CRYBG3: variants seen among roughly 807,000 people sequenced by gnomAD.
CRYBG3 encodes very large A-kinase anchor protein.
Under a neutral mutation model 244.2 loss-of-function variants are expected in CRYBG3, and 127 were observed. The ratio of observed to expected loss-of-function variants is 0.52; its 90% CI spans 0.45 to 0.60. The LOEUF is 0.60. Ranked by LOEUF, CRYBG3 falls within the 20% of genes least tolerant of loss-of-function variation. CRYBG3 has a pLI of 0.00. For missense variants in CRYBG3, 3,325 were observed against 3,442.5 expected (o/e 0.97, Z 0.85); for synonymous variants, 1,132 against 1,195.8 (o/e 0.95, Z 1.10).
At chr3:97,898,827 C>A in intron 12 of CRYBG3, 56 bp from the exon 13 acceptor site, 3 of 1,247,478 alleles carry the variant, frequency 2.4e-6, no homozygotes, top group East Asian at 2.4e-5. Context: ...TAGATAATAG[C>A]AGTCCATAAA....
At chr3:97,900,313 A>AC (rs1398579032) in intron 14 of CRYBG3, 140 bp from the exon 15 acceptor site, 1 of 583,530 alleles carries the variant, frequency 1.7e-6, no homozygotes, top group East Asian at 3.0e-5. Flanking sequence ...GTGCCACTGT[A>AC]CCCCAGCCTG....
chr3:97,876,153 G>C lies in CRYBG3; in HGVS notation c.4959G>C (p.Gly1653=). 1 of 1,231,888 alleles carries C rather than the reference G, an allele frequency of 8.1e-7. No individual in the cohort carries two copies. Among genetic ancestry groups the C allele is most frequent in the Non-Finnish European group, 1.0e-6 (1 of 987,910 alleles). 76.3% of individuals were successfully genotyped at this position (1,231,888 alleles called of 1,614,324 possible). Residue 1653 remains glycine (G), a synonymous_variant, in exon 4 of 22, where the codon GGG becomes GGC. Transcript: ENST00000389622. ...ATATCCACCAAAAGGATGCTGAAGG[G>C]GATATTGTAAAGACTGAGATGACAC... The part of the protein sequence containing the change: ...VKNIHQKDAE[G]DIVKTEMTPV...
At chr3:97,935,138 T>G (rs555929876) in intron 18 of CRYBG3, among the ~76,000 whole-genome samples, 1 of 152,202 alleles carries the variant, frequency 6.6e-6, no homozygotes, top group Admixed American at 6.5e-5. Context: ...TTGGGTTTGT[T>G]TTAATCCCCA....
chr3:97,869,421 A>T lies in CRYBG3; in HGVS notation c.648-2421A>T, dbSNP rs183326524. ...ATTGCATGTAACAATAGGAAGATTC[A>T]TATGTAAGAACAGAATTTTGTACTT... On this transcript the variant is annotated intron_variant, in intron 3 of 21. Coordinates refer to ENST00000389622, the MANE Select transcript of CRYBG3 (RefSeq NM_153605.4). Among the ~76,000 whole-genome samples the T allele has an allele frequency of 6.2e-3, 938 of 152,294 alleles. 11 individuals carry two copies. Among genetic ancestry groups the T allele is most frequent in the African/African-American group, 0.021 (863 of 41,580 alleles).
chr3:97,850,934 C>A (rs547087306), intron 2 of CRYBG3, among the ~76,000 whole-genome samples: 1 of 151,932 alleles, frequency 6.6e-6, no homozygotes, highest in African/African-American at 2.4e-5. Flanking sequence ...GAAATGGAGA[C>A]CAGCCTGGCC....
At chr3:97,889,883 G>T (rs750295601) in intron 10 of CRYBG3, among the ~76,000 whole-genome samples, 1 of 152,104 alleles carries the variant, frequency 6.6e-6, no homozygotes, top group Non-Finnish European at 1.5e-5. Context: ...AGTGGTGCCA[G>T]GATCAAGCAA....
intron 17 of CRYBG3, among the ~76,000 whole-genome samples, chr3:97,923,083 C>T (rs972058158): frequency 3.9e-5 from 6 of 152,058 alleles, no homozygotes; most frequent in Non-Finnish European, 7.4e-5. Flanking sequence ...CAAACTGTCA[C>T]AAGGACAGAG....
intron 12 of CRYBG3, 33 bp from the exon 13 acceptor site, chr3:97,898,850 T>G: frequency 6.7e-7 from 1 of 1,495,256 alleles, no homozygotes; most frequent in Non-Finnish European, 9.1e-7. Context: ...AGAATATGTA[T>G]GTTTTCCTAA....
rs372441713 is a variant in CRYBG3, at chr3:97,943,174, G to A, written c.8825-52G>A. Reference sequence around the variant, plus strand: ...AGAAGCTTGTGAAAATTGTGAAATTGCTAAGCACCTGCCTGAACAAATAAT... The same window carrying A: ...AGAAGCTTGTGAAAATTGTGAAATTACTAAGCACCTGCCTGAACAAATAAT... On this transcript the variant is annotated intron_variant, in intron 21 of 21. Coordinates refer to ENST00000389622, the MANE Select transcript of CRYBG3 (RefSeq NM_153605.4). The A allele has an allele frequency of 9.9e-6, 10 of 1,006,238 alleles. No individual in the cohort carries two copies. The Middle Eastern group carries it at 6.7e-4, about 67-fold the overall frequency. The allele number at this position is 1,006,238 out of a possible 1,614,324, so 62.3% of individuals were successfully genotyped here.
At chr3:97,891,325 A>T (rs2039573246) in intron 10 of CRYBG3, among the ~76,000 whole-genome samples, 1 of 152,158 alleles carries the variant, frequency 6.6e-6, no homozygotes, top group Non-Finnish European at 1.5e-5. Context: ...GACCCAAACA[A>T]TGTAATCACA....
At chr3:97,940,384 C>G (rs1177258965) in intron 19 of CRYBG3, among the ~76,000 whole-genome samples, 1 of 152,012 alleles carries the variant, frequency 6.6e-6, no homozygotes, top group Non-Finnish European at 1.5e-5. Context: ...TATAATTGTA[C>G]TTTCTTAATA....
chr3:97,822,199 C>G lies in CRYBG3; in HGVS notation c.-8C>G, dbSNP rs1350109902. On this transcript the variant is annotated 5_prime_UTR_variant, in exon 1 of 22. Coordinates refer to ENST00000389622, the MANE Select transcript of CRYBG3 (RefSeq NM_153605.4). ...CAGACAGCCCCGGGCCAGCGGCCCCCTCGGGAAATGTCCAGCGGCCGCAGA... is the reference window on the plus strand; with the variant it reads ...CAGACAGCCCCGGGCCAGCGGCCCCGTCGGGAAATGTCCAGCGGCCGCAGA... The G allele has an allele frequency of 2.0e-6, 3 of 1,515,282 alleles. No individual in the cohort carries two copies. Among genetic ancestry groups the G allele is most frequent in the Non-Finnish European group, 2.6e-6 (3 of 1,136,970 alleles). The allele number at this position is 1,515,282 out of a possible 1,614,324, so 93.9% of individuals were successfully genotyped here. A position where few individuals can be genotyped will look rare whatever the true frequency, so the allele number is the denominator to read the frequency against.
chr3:97,900,845 A>G (rs916557899), intron 15 of CRYBG3, among the ~76,000 whole-genome samples: 1 of 152,216 alleles, frequency 6.6e-6, no homozygotes, highest in African/African-American at 2.4e-5. Context: ...TGGAGAAGTC[A>G]CGTCTTGGCA....
Position 97,936,912 on chromosome 3 carries a change from A to G in CRYBG3, c.8505+4A>G, listed in dbSNP as rs757179714. ...TTCCCTCCGTCCTATGAAGCAGGTA[A>G]GGAGAAAAGAACCATAAGATTCCAA... is the stretch of plus-strand genomic sequence containing the variant. On this transcript the variant is annotated splice_donor_region_variant and intron_variant, in intron 19 of 21. Transcript: ENST00000389622. 3.7e-6 allele frequency: 6 copies of G among 1,610,746 alleles called. No homozygotes were observed. The highest frequency in any genetic ancestry group is 1.3e-5 in the African/African-American group (1 of 74,848).
At chr3:97,924,166 AT>A (rs2108259292) in intron 17 of CRYBG3, 1 of 315,918 alleles carries the variant, frequency 3.2e-6, no homozygotes, top group Non-Finnish European at 6.1e-6. Flanking sequence ...AGATAACAGC[AT>A]TCCAATGGAG....
At position 97,874,090 on chromosome 3, in the gene CRYBG3, G is replaced by A. The variant is rs759911095; in HGVS notation, c.2896G>A (p.Val966Met). Residue 966 changes from valine (V) to methionine (M), a missense_variant, in exon 4 of 22, where the codon GTG becomes ATG. Physicochemically the swap from Val to Met is conservative, Grantham distance 21. Transcript: ENST00000389622. ...GCAGAATTGTGAAGCTCACACTTGT[G>A]TGTTTCATCAATCTTTGGATATTTG... Reference protein sequence around the residue: ...MAQNCEAHTCVFHQSLDICGT... With the variant: ...MAQNCEAHTCMFHQSLDICGT... The A allele has an allele frequency of 3.6e-5, 56 of 1,535,772 alleles. No homozygotes were observed. In the South Asian group the frequency reaches 4.6e-4, roughly 13 times the overall value.
chr3:97,845,647 C>T (rs952854573), intron 2 of CRYBG3, among the ~76,000 whole-genome samples: 2 of 152,124 alleles, frequency 1.3e-5, no homozygotes, highest in East Asian at 1.9e-4. Flanking sequence ...TCCCTTTCTG[C>T]CTTGAAAGGC....
At chr3:97,881,684 C>G (rs1386161031) in intron 7 of CRYBG3, among the ~76,000 whole-genome samples, 2 of 151,428 alleles carry the variant, frequency 1.3e-5, no homozygotes, top group Admixed American at 6.6e-5. Flanking sequence ...CCACTGCACT[C>G]CAGCCTGGGC....
intron 11 of CRYBG3, 42 bp from the exon 12 acceptor site, chr3:97,895,917 A>G: frequency 1.3e-6 from 2 of 1,593,078 alleles, no homozygotes; most frequent in Non-Finnish European, 1.7e-6. Context: ...TCTTGACTAC[A>G]GTTTTATTAA....
Sources: allele counts gnomAD v4.1 joint callset (sites outside exome capture counted in the v4.1 genomes callset), GRCh38; gene constraint gnomAD v4.1.1; transcripts MANE v1.5; gene names NCBI Gene and HGNC (gene_info 2026-07-23, HGNC 2026-07-21).